The following ADAM10 variants were observed in gnomAD, a reference collection of about 807,000 sequenced individuals.
ADAM10 encodes disintegrin and metalloproteinase domain-containing protein 10.
A neutral mutation model predicts 90.1 loss-of-function variants in ADAM10; 17 were observed. The ratio of observed to expected loss-of-function variants is 0.19; its 90% CI spans 0.13 to 0.28. The LOEUF is 0.28. ADAM10 is among the 10% of genes least tolerant of loss of function. The probability of loss-of-function intolerance (pLI) is 1.00; values close to 1 mark genes in which losing one functional copy is unlikely to be tolerated. For missense variants in ADAM10, 610 were observed against 914.3 expected, an observed-to-expected ratio of 0.67 and a Z score of 4.29; for synonymous variants, 310 against 298.6, an observed-to-expected ratio of 1.04 and a Z score of -0.40.
At chr15:58,667,260 C>G (rs1897100575) in intron 4 of ADAM10, among the ~76,000 whole-genome samples, 2 of 152,114 alleles carry the variant, frequency 1.3e-5, no homozygotes, top group Admixed American at 6.6e-5. Context: ...GTTCAAGACA[C>G]AAATATAAAT....
chr15:58,691,676 CTTTTT>C (rs71116587), intron 2 of ADAM10: 1,340 of 230,040 alleles, frequency 5.8e-3, no homozygotes, highest in East Asian at 0.012. Context: ...ACTTCTTCTT[CTTTTT>C]TTTTTTTTTT....
intron 14 of ADAM10, among the ~76,000 whole-genome samples, chr15:58,605,973 A>C (rs1202430064): frequency 6.6e-6 from 1 of 152,214 alleles, no homozygotes; most frequent in Non-Finnish European, 1.5e-5. Context: ...AAAGTGCATG[A>C]GCGAGGACAG....
chr15:58,688,764 A>T (rs1256675095), intron 2 of ADAM10, among the ~76,000 whole-genome samples: 9 of 127,160 alleles, frequency 7.1e-5, no homozygotes, highest in Non-Finnish European at 1.2e-4. Flanking sequence ...TGAAAAAAAA[A>T]ATTATATATA....
chr15:58,614,417 A>G (rs926714945), intron 11 of ADAM10, among the ~76,000 whole-genome samples: 1 of 152,220 alleles, frequency 6.6e-6, no homozygotes, highest in Non-Finnish European at 1.5e-5. Flanking sequence ...AGAATTCTAA[A>G]AAAAACAGCA....
Position 58,662,489 on chromosome 15 carries a change from C to T in ADAM10, c.585+2608G>A, listed in dbSNP as rs1896993140. ...CTGAGACTACAGATGCTCATCACCA[C>T]ACCCAGCTAATTAAAAATAATAATA... On this transcript the variant is annotated intron_variant, in intron 5 of 15. Transcript: ENST00000260408. 2.6e-5 allele frequency among the ~76,000 whole-genome samples: 4 copies of T among 152,134 alleles called. 1 individual carries two copies. In the South Asian group the frequency reaches 8.3e-4, roughly 32 times the overall value.
At chr15:58,663,531 C>T (rs1897016261) in intron 5 of ADAM10, among the ~76,000 whole-genome samples, 1 of 152,114 alleles carries the variant, frequency 6.6e-6, no homozygotes, top group Non-Finnish European at 1.5e-5. Context: ...TAAATGGGCC[C>T]TACTTCTTCT....
rs1188418206 is a variant in ADAM10 at position 58,621,579 on chromosome 15, C to T, written c.1403G>A (p.Gly468Asp). 3.1e-6 allele frequency: 5 copies of T among 1,614,112 alleles called. No individual in the cohort carries two copies. Among genetic ancestry groups the T allele is most frequent in the Non-Finnish European group, 4.2e-6 (5 of 1,180,012 alleles). Residue 468 changes from glycine to aspartate, a missense_variant, in exon 11 of 16, where the codon GGT becomes GAT. By Grantham distance (94) the Gly-to-Asp change is moderately conservative (BLOSUM62 -1). Coordinates refer to ENST00000260408, the MANE Select transcript of ADAM10 (RefSeq NM_001110.4). ...ACTATAGCCACAATCACATTCTTCACCTTGTTCTACCATTCCATTTCCACA... is the reference window on the plus strand; with the variant it reads ...ACTATAGCCACAATCACATTCTTCATCTTGTTCTACCATTCCATTTCCACA... ...PICGNGMVEQGEECDCGYSDQ... is the reference protein window; with the variant it reads ...PICGNGMVEQDEECDCGYSDQ...
chr15:58,692,827 G>C (rs1414895620), intron 2 of ADAM10: 2 of 649,872 alleles, frequency 3.1e-6, no homozygotes, highest in African/African-American at 3.6e-5. Flanking sequence ...CCCAATCATG[G>C]AGATTTCTGC....
intron 1 of ADAM10, among the ~76,000 whole-genome samples, chr15:58,729,306 G>A (rs1899145540): frequency 6.6e-6 from 1 of 152,236 alleles, no homozygotes; most frequent in Non-Finnish European, 1.5e-5. Context: ...GTTTATGGAT[G>A]TTTAAGTCTT....
At chr15:58,718,472 TAA>T (rs35460688) in intron 1 of ADAM10, among the ~76,000 whole-genome samples, 24 of 151,700 alleles carry the variant, frequency 1.6e-4, no homozygotes, top group African/African-American at 5.1e-4. Context: ...GGTATTGGGG[TAA>T]AAAAAAAATG....
At chr15:58,686,316 T>C (rs1897600702) in intron 2 of ADAM10, 1 of 603,096 alleles carries the variant, frequency 1.7e-6, no homozygotes, top group East Asian at 2.8e-5. Context: ...TCCTTGGAAA[T>C]AGGAACAAAC....
intron 15 of ADAM10, among the ~76,000 whole-genome samples, chr15:58,598,425 A>C (rs2140985614): frequency 6.6e-6 from 1 of 152,362 alleles, no homozygotes; most frequent in South Asian, 2.1e-4. Flanking sequence ...TATAAAAATC[A>C]AATTTCCTCT....
At chr15:58,634,456 T>G (rs1896194754) in intron 8 of ADAM10, among the ~76,000 whole-genome samples, 1 of 152,208 alleles carries the variant, frequency 6.6e-6, no homozygotes, top group African/African-American at 2.4e-5. Flanking sequence ...TATTTCCACT[T>G]AAATATTTTT....
intron 2 of ADAM10, among the ~76,000 whole-genome samples, chr15:58,711,323 G>C (rs1158531891): frequency 6.6e-6 from 1 of 152,140 alleles, no homozygotes; most frequent in Non-Finnish European, 1.5e-5. Context: ...TTACTGACTA[G>C]TGTTTTAATG....
intron 11 of ADAM10, among the ~76,000 whole-genome samples, chr15:58,616,926 G>T (rs1895631575): frequency 6.6e-6 from 1 of 152,038 alleles, no homozygotes; most frequent in South Asian, 2.1e-4. Context: ...GGCTAACACG[G>T]TGAAACCCCG....
chr15:58,721,769 T>C (rs1004235786), intron 1 of ADAM10, among the ~76,000 whole-genome samples: 4 of 152,194 alleles, frequency 2.6e-5, no homozygotes, highest in African/African-American at 7.2e-5. Context: ...AGTTCACACC[T>C]GTAGTCCCAG....
chr15:58,603,640 C>T (rs1460433991), intron 14 of ADAM10, among the ~76,000 whole-genome samples: 9 of 151,838 alleles, frequency 5.9e-5, no homozygotes, highest in African/African-American at 2.2e-4. Flanking sequence ...ATGGAACTGA[C>T]CATGTTACTC....
chr15:58,708,010 G>A (rs989469719), intron 2 of ADAM10, among the ~76,000 whole-genome samples: 1 of 152,008 alleles, frequency 6.6e-6, no homozygotes, highest in East Asian at 1.9e-4. Context: ...CCAGGAGGTG[G>A]AGGTTGCAAT....
At chr15:58,622,625 A>G (rs1218703631) in intron 10 of ADAM10, among the ~76,000 whole-genome samples, 1 of 152,162 alleles carries the variant, frequency 6.6e-6, no homozygotes, top group Non-Finnish European at 1.5e-5. Context: ...TGTATTATTT[A>G]TATCTTCTGT....
Sources: allele counts gnomAD v4.1 joint callset (sites outside exome capture counted in the v4.1 genomes callset), GRCh38; gene constraint gnomAD v4.1.1; transcripts MANE v1.5; gene names NCBI Gene and HGNC (gene_info 2026-07-23, HGNC 2026-07-21).